Variants in PDS5A observed in about 807,000 individuals in gnomAD.
The protein encoded by PDS5A is sister chromatid cohesion protein PDS5 homolog A.
Under a neutral mutation model 167.1 loss-of-function variants are expected in PDS5A, and 42 were observed. The ratio of observed to expected loss-of-function variants is 0.25; its 90% CI spans 0.20 to 0.33. The LOEUF is 0.33. PDS5A is among the 10% of genes least tolerant of loss of function. The pLI is 1.00. For missense variants in PDS5A, 1,033 were observed against 1,605.9 expected (o/e 0.64, Z 6.10); for synonymous variants, 553 against 554.6 (o/e 1.00, Z 0.04).
intron 9 of PDS5A, among the ~76,000 whole-genome samples, chr4:39,912,788 G>C (rs981760100): frequency 1.3e-5 from 2 of 152,132 alleles, no homozygotes; most frequent in Non-Finnish European, 2.9e-5. Context: ...CTACTATCAA[G>C]CCAAATAGAA....
At chr4:39,939,562 G>A (rs1727023336) in intron 2 of PDS5A, among the ~76,000 whole-genome samples, 1 of 152,116 alleles carries the variant, frequency 6.6e-6, no homozygotes, top group Non-Finnish European at 1.5e-5. Flanking sequence ...GGGAGGCCAA[G>A]GTGGGTAGAT....
intron 6 of PDS5A, 37 bp from the exon 7 acceptor site, chr4:39,920,436 ATG>A: frequency 3.2e-6 from 3 of 934,124 alleles, no homozygotes; most frequent in Non-Finnish European, 5.2e-6. Context: ...TTACAAATAA[ATG>A]TTAATTTATG....
chr4:39,848,824 T>A (rs1717866887), intron 28 of PDS5A, 27 bp downstream of exon 28: 1 of 1,547,844 alleles, frequency 6.5e-7, no homozygotes, highest in South Asian at 1.2e-5. Flanking sequence ...TTTAGTGTGG[T>A]AGGAAAAATG....
At chr4:39,906,010 A>T (rs1284695662) in intron 11 of PDS5A, among the ~76,000 whole-genome samples, 1 of 11,664 alleles carries the variant, frequency 8.6e-5, no homozygotes, top group African/African-American at 1.5e-4. Flanking sequence ...AGATGAAGTA[A>T]AAAAAAAAAA....
intron 2 of PDS5A, among the ~76,000 whole-genome samples, chr4:39,968,827 G>A (rs1730234495): frequency 6.6e-6 from 1 of 151,608 alleles, no homozygotes; most frequent in African/African-American, 2.4e-5. Context: ...CCAGGCTGGA[G>A]TGCAGTGGCG....
intron 6 of PDS5A, among the ~76,000 whole-genome samples, chr4:39,922,260 T>C (rs758896952): frequency 6.6e-6 from 1 of 152,180 alleles, no homozygotes; most frequent in Admixed American, 6.5e-5. Context: ...TGAAAAGAAA[T>C]CCAAACTCCT....
At chr4:39,832,598 T>C (rs947648890) in intron 32 of PDS5A, among the ~76,000 whole-genome samples, 1 of 152,034 alleles carries the variant, frequency 6.6e-6, no homozygotes, top group Non-Finnish European at 1.5e-5. Flanking sequence ...TTTGAGAAGT[T>C]TGAGGGCTGG....
rs1254428118 is a variant in PDS5A, at chr4:39,929,538, T to TAC, written c.139-1375_139-1374insGT. Among the ~76,000 whole-genome samples the TAC allele has an allele frequency of 1.2e-3, 144 of 122,038 alleles. 3 individuals are homozygous for TAC. Among genetic ancestry groups the TAC allele is most frequent in the South Asian group, 5.6e-3 (21 of 3,724 alleles). The allele number at this position is 122,038 out of a possible 152,430, so 80.1% of individuals were successfully genotyped here. On this transcript the variant is annotated intron_variant, in intron 2 of 32. Transcript: ENST00000303538. ...AATAAACTATATATATATATATATA[T>TAC]ATATATATATATATATATCCCATTA...
At chr4:39,952,403 T>G (rs73141223) in intron 2 of PDS5A, among the ~76,000 whole-genome samples, 1 of 152,198 alleles carries the variant, frequency 6.6e-6, no homozygotes, top group East Asian at 1.9e-4. Context: ...TGGAAAAAAT[T>G]TGTCTAAATG....
At position 39,838,175 on chromosome 4, in the gene PDS5A, T is replaced by C. The variant is rs1433797034; in HGVS notation, c.3691A>G (p.Ile1231Val). 46 of 1,610,656 alleles carry C rather than the reference T, an allele frequency of 2.9e-5. No individual in the cohort carries two copies. Among genetic ancestry groups the C allele is most frequent in the Non-Finnish European group, 3.9e-5 (46 of 1,178,554 alleles). Residue 1231 changes from isoleucine (I) to valine (V), a missense_variant, in exon 32 of 33, where the codon ATC (isoleucine) becomes GTC (valine). Transcript: ENST00000303538. ...CTTTTCTTTCCTCGGTCACTGCTGA[T>C]GTTGCCCTGGGTAGCCTGATCAGAA... ...INSDQATQGN[I>V]SSDRGKKRTV...
At chr4:39,830,448 A>G (rs1423858570) in intron 32 of PDS5A, among the ~76,000 whole-genome samples, 4 of 152,134 alleles carry the variant, frequency 2.6e-5, no homozygotes, top group Admixed American at 6.6e-5. Context: ...TTTTTGAGAC[A>G]GAGTATCACT....
chr4:39,950,579 T>TA (rs1165461002), intron 2 of PDS5A, among the ~76,000 whole-genome samples: 1 of 151,974 alleles, frequency 6.6e-6, no homozygotes, highest in Non-Finnish European at 1.5e-5. Flanking sequence ...CTAAAATAAA[T>TA]AAAATAGAAT....
intron 17 of PDS5A, among the ~76,000 whole-genome samples, chr4:39,883,889 C>CA (rs1333505881): frequency 2.6e-5 from 4 of 151,764 alleles, no homozygotes; most frequent in Non-Finnish European, 5.9e-5. Context: ...CTCCGCCTCC[C>CA]AAAGTGCTGG....
intron 2 of PDS5A, among the ~76,000 whole-genome samples, chr4:39,975,233 G>GCCGC (rs1219801871): frequency 6.6e-6 from 1 of 151,980 alleles, no homozygotes; most frequent in Non-Finnish European, 1.5e-5. Context: ...CTGAGATCCC[G>GCCGC]CCGCCGCACA....
In PDS5A at chr4:39,863,023, T is replaced by A; in HGVS notation, c.2817A>T (p.Ala939=). The A allele has an allele frequency of 6.2e-7, 1 of 1,613,746 alleles. No individual in the cohort carries two copies. Among genetic ancestry groups the A allele is most frequent in the Non-Finnish European group, 8.5e-7 (1 of 1,179,714 alleles). The change falls in exon 25 of 33, where the codon GCA becomes GCT. Residue 939 remains alanine, a synonymous_variant. Transcript: ENST00000303538. ...RQIFAQKLHK[A]LVKLLLPLEY... ...CCAATGGGAGCAGTAACTTCACAAG[T>A]GCCTTATGCAGCTTCTGAGCAAATA... is the stretch of plus-strand genomic sequence containing the variant.
Position 39,849,596 on chromosome 4 carries a change from G to C in PDS5A, c.3143C>G (p.Ala1048Gly), listed in dbSNP as rs747862865. ...GTTCTCTGCCATCTTCTTCATAAAGGCATGGCTATTGTTTTCATTCTTTGT... is the reference window on the plus strand; with the variant it reads ...GTTCTCTGCCATCTTCTTCATAAAGCCATGGCTATTGTTTTCATTCTTTGT... ...LMTKNENNSH[A>G]FMKKMAENIK... is the part of the protein sequence containing the mutation. The change falls in exon 27 of 33, where the codon GCC (alanine) becomes GGC (glycine). Residue 1048 changes from alanine to glycine, a missense_variant. This residue lies in a region of PDS5A where 367 missense variants were observed against 686.7 expected (regional missense o/e 0.53). Transcript: ENST00000303538. 6 of 1,606,506 alleles carry C rather than the reference G, an allele frequency of 3.7e-6. No homozygotes were observed. The highest frequency in any genetic ancestry group is 1.7e-5 in the Admixed American group (1 of 59,946).
Position 39,877,065 on chromosome 4 carries a change from A to ACCT in PDS5A, c.2078_2080dup (p.Lys693_Val694insGlu), listed in dbSNP as rs1484089236. ...AAAAATTTGAATAGCAGCTTCTGCTACCTTGTCATCCTCCATTCTTAGGCA... is the reference window on the plus strand; with the variant it reads ...AAAAATTTGAATAGCAGCTTCTGCTACCTCCTTGTCATCCTCCATTCTTAGGCA... On this transcript the variant is annotated inframe_insertion, in exon 19 of 33. Coordinates refer to ENST00000303538, the MANE Select transcript of PDS5A (RefSeq NM_001100399.2). 1 of 1,609,856 alleles carries ACCT rather than the reference A, an allele frequency of 6.2e-7. No individual in the cohort carries two copies. The highest frequency in any genetic ancestry group is 8.5e-7 in the Non-Finnish European group (1 of 1,176,366).
At chr4:39,880,548 A>C (rs1457176374) in intron 17 of PDS5A, among the ~76,000 whole-genome samples, 1 of 152,204 alleles carries the variant, frequency 6.6e-6, no homozygotes, top group Non-Finnish European at 1.5e-5. Flanking sequence ...TTATTATTAC[A>C]AATGTTCAAA....
At chr4:39,906,384 C>A (rs1416395537) in intron 11 of PDS5A, among the ~76,000 whole-genome samples, 8 of 151,216 alleles carry the variant, frequency 5.3e-5, no homozygotes, top group African/African-American at 1.9e-4. Flanking sequence ...AAAAAAAAAA[C>A]CTTAGTGATC....
Sources: allele counts gnomAD v4.1 joint callset (sites outside exome capture counted in the v4.1 genomes callset), GRCh38; gene constraint gnomAD v4.1.1; regional missense constraint gnomAD v4.1.1; transcripts MANE v1.5; gene names NCBI Gene and HGNC (gene_info 2026-07-23, HGNC 2026-07-21).